TMEM117: variants seen among roughly 807,000 people sequenced by gnomAD.
TMEM117 encodes transmembrane protein 117.
Under a neutral mutation model 52.4 loss-of-function variants are expected in TMEM117, and 27 were observed. The observed-to-expected ratio is 0.51, with a 90% CI of 0.38 to 0.71. The LOEUF (loss-of-function observed/expected upper bound fraction) is 0.71. Among genes scored for constraint, TMEM117 ranks in the 30% least tolerant of loss-of-function variants. The pLI is 0.00. For synonymous variants in TMEM117, 215 were observed against 206.3 expected (o/e 1.04, Z -0.36); for missense variants, 556 against 630.5 (o/e 0.88, Z 1.26).
At chr12:44,191,549 G>T (rs1382037742) in intron 4 of TMEM117, among the ~76,000 whole-genome samples, 1 of 152,094 alleles carries the variant, frequency 6.6e-6, no homozygotes, top group Non-Finnish European at 1.5e-5. Context: ...GGCTTCAGTT[G>T]ACATTTTGTT....
chr12:43,893,066 A>G (rs1049436132), intron 2 of TMEM117, among the ~76,000 whole-genome samples: 2 of 152,226 alleles, frequency 1.3e-5, no homozygotes, highest in African/African-American at 4.8e-5. Flanking sequence ...TGGAAGGTAG[A>G]GCATGGAAGG....
rs147015726 is a variant in TMEM117, at chr12:43,909,692, A to G, written c.278-34518A>G. Among the ~76,000 whole-genome samples, 1,039 of 152,182 alleles carry G rather than the reference A, an allele frequency of 6.8e-3. 28 individuals carry two copies. The highest frequency in any genetic ancestry group is 0.043 in the East Asian group (219 of 5,140). ...CACTGCTCCCACAGAAATGCAAACT[A>G]CCATCGGAGAATACTACAAACACCT... On this transcript the variant is annotated intron_variant, in intron 2 of 7. Transcript: ENST00000266534.
chr12:44,263,587 C>T (rs1339677652), intron 5 of TMEM117: 1 of 152,210 alleles, frequency 6.6e-6, no homozygotes, highest in Admixed American at 6.5e-5. Flanking sequence ...GACTTGGAAC[C>T]AACCCAAATG....
intron 2 of TMEM117, among the ~76,000 whole-genome samples, chr12:43,890,452 A>G (rs1939556291): frequency 6.6e-6 from 1 of 152,062 alleles, no homozygotes; most frequent in Non-Finnish European, 1.5e-5. Flanking sequence ...TTGAAGACAA[A>G]AGTAGCATCT....
intron 5 of TMEM117, among the ~76,000 whole-genome samples, chr12:44,265,209 G>T (rs144427207): frequency 6.6e-6 from 1 of 152,152 alleles, no homozygotes; most frequent in African/African-American, 2.4e-5. Context: ...TAATCCAAAG[G>T]CTGCACAGCA....
intron 6 of TMEM117, among the ~76,000 whole-genome samples, chr12:44,350,080 A>G (rs1039097803): frequency 6.6e-6 from 1 of 152,046 alleles, no homozygotes; most frequent in African/African-American, 2.4e-5. Context: ...CATATCATTG[A>G]TATTTTCTTA....
At chr12:44,339,283 T>C (rs1661069702) in intron 6 of TMEM117, among the ~76,000 whole-genome samples, 1 of 151,946 alleles carries the variant, frequency 6.6e-6, no homozygotes, top group Admixed American at 6.6e-5. Context: ...CTCAAAGAAA[T>C]CCTGGGAAAC....
At chr12:43,900,601 C>G (rs1944287904) in intron 2 of TMEM117, among the ~76,000 whole-genome samples, 1 of 151,750 alleles carries the variant, frequency 6.6e-6, no homozygotes, top group Non-Finnish European at 1.5e-5. Context: ...GCCTGTAATC[C>G]CAGCTACTTG....
At chr12:44,080,117 A>G (rs768043685) in intron 3 of TMEM117, among the ~76,000 whole-genome samples, 5 of 152,022 alleles carry the variant, frequency 3.3e-5, no homozygotes, top group African/African-American at 4.8e-5. Context: ...CTTTAAAACC[A>G]TATGAGAAAC....
intron 4 of TMEM117, among the ~76,000 whole-genome samples, chr12:44,184,253 G>A (rs1009978488): frequency 6.6e-6 from 1 of 152,172 alleles, no homozygotes; most frequent in Admixed American, 6.5e-5. Context: ...AGCTGAGGCA[G>A]GAGAATGACT....
chr12:44,183,338 A>G (rs761623839), intron 4 of TMEM117, among the ~76,000 whole-genome samples: 2 of 152,166 alleles, frequency 1.3e-5, no homozygotes, highest in African/African-American at 2.4e-5. Context: ...TTGCTCTCTT[A>G]ATTTTGGATA....
At chr12:43,844,194 G>T (rs756099767) in intron 1 of TMEM117, among the ~76,000 whole-genome samples, 6 of 152,188 alleles carry the variant, frequency 3.9e-5, no homozygotes, top group Non-Finnish European at 7.3e-5. Context: ...AGGCGTGGTG[G>T]CACATGCCTG....
intron 5 of TMEM117, among the ~76,000 whole-genome samples, chr12:44,211,809 C>G (rs1949648818): frequency 6.6e-6 from 1 of 152,146 alleles, no homozygotes; most frequent in African/African-American, 2.4e-5. Context: ...ATTGGCATTT[C>G]TTCTTTATGT....
chr12:44,393,803 C>T (rs1168415700), downstream of TMEM117, among the ~76,000 whole-genome samples: 1 of 152,140 alleles, frequency 6.6e-6, no homozygotes, highest in African/African-American at 2.4e-5. Context: ...ATGATTGAAA[C>T]AGATAAGGTC....
chr12:43,855,455 T>TA (rs1943384454), intron 2 of TMEM117, among the ~76,000 whole-genome samples: 1 of 151,780 alleles, frequency 6.6e-6, no homozygotes. Context: ...CATGATTTTT[T>TA]AAAAATGCTG....
chr12:44,211,436 A>G (rs1565596755), intron 5 of TMEM117, 49 bp downstream of exon 5: 3 of 1,340,058 alleles, frequency 2.2e-6, no homozygotes, highest in Non-Finnish European at 3.2e-6. Flanking sequence ...CATTCACTGA[A>G]GGACTTTAGT....
chr12:43,878,463 A>T (rs1237275929), intron 2 of TMEM117, among the ~76,000 whole-genome samples: 3 of 152,222 alleles, frequency 2.0e-5, no homozygotes, highest in Non-Finnish European at 4.4e-5. Flanking sequence ...GAAATAGCAA[A>T]AATGTTTCAA....
chr12:43,949,121 G>A (rs1174315185), intron 3 of TMEM117, among the ~76,000 whole-genome samples: 1 of 152,108 alleles, frequency 6.6e-6, no homozygotes, highest in Non-Finnish European at 1.5e-5. Context: ...CTGGATTTTT[G>A]CCTTGTTAGA....
intron 6 of TMEM117, among the ~76,000 whole-genome samples, chr12:44,309,810 A>G (rs1250467562): frequency 1.3e-5 from 2 of 152,032 alleles, no homozygotes; most frequent in Non-Finnish European, 2.9e-5. Flanking sequence ...GTCTGACTTC[A>G]AAGACCATAC....
Sources: gnomAD v4.1 joint callset for allele counts (sites outside exome capture counted in the v4.1 genomes callset) on GRCh38, gnomAD v4.1.1 for gene constraint, MANE v1.5 for transcripts, NCBI Gene and HGNC (gene_info 2026-07-23, HGNC 2026-07-21) for gene names.